Variants in DCLK3 observed in about 807,000 individuals in gnomAD.
The protein encoded by DCLK3 is serine/threonine-protein kinase DCLK3.
In DCLK3, 30 loss-of-function variants were observed where a neutral mutation model predicts 46.4. The observed-to-expected ratio is 0.65, with a 90% CI of 0.48 to 0.88. The LOEUF (loss-of-function observed/expected upper bound fraction) is 0.88, where lower values mean the gene tolerates loss of function less well. Ranked by LOEUF, DCLK3 falls within the 40% of genes least tolerant of loss-of-function variation. The probability of loss-of-function intolerance (pLI) is 0.00; values close to 1 mark genes in which losing one functional copy is unlikely to be tolerated. For missense variants in DCLK3, 846 were observed against 907.1 expected (o/e 0.93, Z 0.87); for synonymous variants, 401 against 339.2 (o/e 1.18, Z -2.00).
intron 1 of DCLK3, among the ~76,000 whole-genome samples, chr3:36,756,048 T>A (rs1701482111): frequency 6.6e-6 from 1 of 152,088 alleles, no homozygotes; most frequent in South Asian, 2.1e-4. Context: ...GATTCCTGGG[T>A]TGGTCTCTCT....
chr3:36,749,234 G>A (rs543641972), intron 1 of DCLK3, among the ~76,000 whole-genome samples: 27 of 152,286 alleles, frequency 1.8e-4, no homozygotes, highest in Non-Finnish European at 1.2e-4. Context: ...TATACAGGGC[G>A]GCTCTTCGGA....
intron 1 of DCLK3, among the ~76,000 whole-genome samples, chr3:36,744,872 T>C (rs1701380109): frequency 1.3e-5 from 2 of 152,220 alleles, no homozygotes; most frequent in African/African-American, 4.8e-5. Flanking sequence ...ATAAACGGAA[T>C]TTCTGCTCAT....
intron 1 of DCLK3, among the ~76,000 whole-genome samples, chr3:36,757,884 T>C (rs1394027852): frequency 6.6e-6 from 1 of 152,060 alleles, no homozygotes; most frequent in Non-Finnish European, 1.5e-5. Flanking sequence ...CTCAAAGTCC[T>C]GTGGATTCCA....
At position 36,715,156 on chromosome 3, in the gene DCLK3, A is replaced by T. The variant is rs752594417; in HGVS notation, c.*172T>A. 1.3e-5 allele frequency: 9 copies of T among 714,474 alleles called. No individual in the cohort carries two copies. The highest frequency in any genetic ancestry group is 1.7e-5 in the Non-Finnish European group (8 of 458,860). The allele number at this position is 714,474 out of a possible 1,614,324, so 44.3% of individuals were successfully genotyped here. On this transcript the variant is annotated 3_prime_UTR_variant, in exon 5 of 5. Transcript: ENST00000636136. ...TATACAAATCTAAAAATATGTTGTG[A>T]CATTTAACATTGACTTAATTTTTTT...
chr3:36,720,785 G>A (rs1454325976), intron 3 of DCLK3, among the ~76,000 whole-genome samples: 1 of 152,098 alleles, frequency 6.6e-6, no homozygotes, highest in East Asian at 1.9e-4. Context: ...GGGATTACAG[G>A]CATGAGCCAC....
rs1700946147 is a variant in DCLK3 at position 36,714,208 on chromosome 3, T to TTCA, written c.*1119_*1120insTGA. 1 of 152,246 alleles carries TTCA rather than the reference T, an allele frequency of 6.6e-6. No homozygotes were observed. Among genetic ancestry groups the TTCA allele is most frequent in the Non-Finnish European group, 1.5e-5 (1 of 68,046 alleles). The allele number at this position is 152,246 out of a possible 1,614,324, so 9.4% of individuals were successfully genotyped here. A position where few individuals can be genotyped will look rare whatever the true frequency, so the allele number is the denominator to read the frequency against. On this transcript the variant is annotated 3_prime_UTR_variant, in exon 5 of 5. Transcript: ENST00000636136. ...CAATTCCTTATGTTGAATTCTCTAGTACTATTCCGGTTTTCCTAACTAACA... is the reference window on the plus strand; with the variant it reads ...CAATTCCTTATGTTGAATTCTCTAGTTCAACTATTCCGGTTTTCCTAACTAACA...
chr3:36,719,421 C>T (rs113809072), intron 3 of DCLK3, among the ~76,000 whole-genome samples: 2 of 152,246 alleles, frequency 1.3e-5, no homozygotes, highest in African/African-American at 4.8e-5. Flanking sequence ...CACTAATGAC[C>T]TCTTTTGGTC....
chr3:36,715,118 T>C lies in DCLK3; in HGVS notation c.*210A>G. On this transcript the variant is annotated 3_prime_UTR_variant, in exon 5 of 5. Transcript: ENST00000636136. ...CAATGCTTACCCCCCAAAAATGTATTAAAGGCTTTAAATATACAAATCTAA... is the reference window on the plus strand; with the variant it reads ...CAATGCTTACCCCCCAAAAATGTATCAAAGGCTTTAAATATACAAATCTAA... 1.7e-6 allele frequency: 1 copy of C among 592,824 alleles called. No homozygotes were observed. Among genetic ancestry groups the C allele is most frequent in the Non-Finnish European group, 2.8e-6 (1 of 359,596 alleles). The allele number at this position is 592,824 out of a possible 1,614,324, so 36.7% of individuals were successfully genotyped here. A position where few individuals can be genotyped will look rare whatever the true frequency, so the allele number is the denominator to read the frequency against.
intron 1 of DCLK3, among the ~76,000 whole-genome samples, chr3:36,758,408 T>C (rs1489528247): frequency 6.6e-6 from 1 of 152,156 alleles, no homozygotes; most frequent in African/African-American, 2.4e-5. Context: ...GTGGTGATAT[T>C]GAAGGGTGGG....
At position 36,738,952 on chromosome 3, in the gene DCLK3, A is replaced by G. The variant is rs576358706; in HGVS notation, c.215T>C (p.Val72Ala). 4 of 401,602 alleles carry G rather than the reference A, an allele frequency of 1.0e-5. No individual in the cohort carries two copies. The South Asian group carries it at 3.8e-4, about 38-fold the overall frequency. 24.9% of individuals were successfully genotyped at this position (401,602 alleles called of 1,614,324 possible). Residue 72 changes from valine (V) to alanine (A), a missense_variant, in exon 2 of 5, where the codon GTC becomes GCC. Val to Ala is a moderately conservative substitution (Grantham distance 64). Around this residue, in one of 3 missense-constraint regions of DCLK3, gnomAD observed 553 missense variants for 543.0 expected, o/e 1.02. Coordinates refer to ENST00000636136, the MANE Select transcript of DCLK3 (RefSeq NM_001394672.2). Reference sequence around the variant, plus strand: ...ATTCCGAGGGCAGAACAAGGGCACGACGGGGCCACGCGGCCCCAGGAATGG... The same window carrying G: ...ATTCCGAGGGCAGAACAAGGGCACGGCGGGGCCACGCGGCCCCAGGAATGG... Reference protein sequence around the residue: ...EKPFLGPRGPVVPLFCPRNGL... With the variant: ...EKPFLGPRGPAVPLFCPRNGL...
chr3:36,762,447 G>T (rs545815719), intron 1 of DCLK3, among the ~76,000 whole-genome samples: 3 of 152,262 alleles, frequency 2.0e-5, no homozygotes, highest in African/African-American at 4.8e-5. Context: ...AGCAAGCCAA[G>T]CGAGGGAAAC....
In DCLK3 at chr3:36,764,264, G is replaced by T; in HGVS notation, c.-1C>A. 2 of 250,344 alleles carry T rather than the reference G, an allele frequency of 8.0e-6. No homozygotes were observed. Among genetic ancestry groups the T allele is most frequent in the Non-Finnish European group, 1.5e-5 (2 of 132,474 alleles). The allele number at this position is 250,344 out of a possible 1,614,324, so 15.5% of individuals were successfully genotyped here. A position where few individuals can be genotyped will look rare whatever the true frequency, so the allele number is the denominator to read the frequency against. ...GCGGGGCTGGAGTGGCGGCGGGCAT[G>T]GCGCGGCGGCGGGCTCGGGGAGAGC... On this transcript the variant is annotated 5_prime_UTR_variant, in exon 1 of 5. Coordinates refer to ENST00000636136, the MANE Select transcript of DCLK3 (RefSeq NM_001394672.2). This position sits in a 1 kb window ranked among gnomAD's most constrained non-coding sequence, Gnocchi z 4.9.
intron 2 of DCLK3, among the ~76,000 whole-genome samples, chr3:36,729,248 T>TGGGG (rs71085143): frequency 3.2e-5 from 3 of 92,694 alleles, no homozygotes; most frequent in South Asian, 7.7e-4. Context: ...TGTGTGTGTG[T>TGGGG]GGGGGGGGGG....
At chr3:36,753,577 A>T (rs1222558235) in intron 1 of DCLK3, among the ~76,000 whole-genome samples, 1 of 152,248 alleles carries the variant, frequency 6.6e-6, no homozygotes, top group African/African-American at 2.4e-5. Context: ...TGTAATGCAG[A>T]CAAAGCAATT....
At chr3:36,724,084 G>A (rs1045280998) in intron 2 of DCLK3, among the ~76,000 whole-genome samples, 10 of 152,332 alleles carry the variant, frequency 6.6e-5, no homozygotes, top group East Asian at 1.9e-4. Flanking sequence ...TTGCATTAGC[G>A]TGACCTGGAT....
chr3:36,734,287 A>G (rs1261500551), intron 2 of DCLK3, among the ~76,000 whole-genome samples: 1 of 152,244 alleles, frequency 6.6e-6, no homozygotes, highest in East Asian at 1.9e-4. Context: ...CGCTGACATC[A>G]GATAGCATTT....
At chr3:36,732,873 A>C (rs1000947735) in intron 2 of DCLK3, among the ~76,000 whole-genome samples, 4 of 152,214 alleles carry the variant, frequency 2.6e-5, no homozygotes, top group Non-Finnish European at 5.9e-5. Flanking sequence ...CATAGCAATA[A>C]TCAGTGACTC....
chr3:36,762,116 C>T (rs1272347928), intron 1 of DCLK3, among the ~76,000 whole-genome samples: 1 of 152,128 alleles, frequency 6.6e-6, no homozygotes, highest in Non-Finnish European at 1.5e-5. Flanking sequence ...GCCAAAGAAG[C>T]ACTGATCAGG....
chr3:36,730,086 G>T (rs1426834274), intron 2 of DCLK3, among the ~76,000 whole-genome samples: 9 of 151,998 alleles, frequency 5.9e-5, no homozygotes, highest in African/African-American at 2.2e-4. Context: ...GGCTAAGGTG[G>T]GGGGAGTCTG....
Sources: gnomAD v4.1 joint callset for allele counts (sites outside exome capture counted in the v4.1 genomes callset) on GRCh38, gnomAD v4.1.1 for gene constraint, gnomAD v4.1.1 regional missense constraint, Gnocchi (gnomAD v3.1) non-coding constraint, MANE v1.5 for transcripts, NCBI Gene and HGNC (gene_info 2026-07-23, HGNC 2026-07-21) for gene names.